The following TMEM132C variants were observed in gnomAD, a reference collection of about 807,000 sequenced individuals.
TMEM132C encodes the protein transmembrane protein 132C.
TMEM132C carries 29 observed loss-of-function variants against 61.4 expected under a neutral mutation model. The ratio of observed to expected loss-of-function variants is 0.47; its 90% CI spans 0.35 to 0.64. The LOEUF is 0.64. Ranked by LOEUF, TMEM132C falls within the 30% of genes least tolerant of loss-of-function variation. TMEM132C has a pLI of 0.00. For missense variants in TMEM132C, 1,408 were observed against 1,476.9 expected (o/e 0.95, Z 0.76); for synonymous variants, 656 against 633.1 (o/e 1.04, Z -0.54).
At chr12:128,473,662 A>G (rs1421773953) in intron 2 of TMEM132C, among the ~76,000 whole-genome samples, 2 of 115,130 alleles carry the variant, frequency 1.7e-5, no homozygotes, top group African/African-American at 6.7e-5. Flanking sequence ...TTTAATTCTC[A>G]CTCCAGCTTC....
chr12:128,302,413 C>G (rs776814256), intron 1 of TMEM132C, among the ~76,000 whole-genome samples: 28 of 152,320 alleles, frequency 1.8e-4, no homozygotes, highest in Non-Finnish European at 2.1e-4. Flanking sequence ...GCCCTGATTC[C>G]TACTCCTCAT....
chr12:128,376,164 G>C (rs142406542), intron 1 of TMEM132C, among the ~76,000 whole-genome samples: 2 of 152,318 alleles, frequency 1.3e-5, no homozygotes, highest in East Asian at 3.9e-4. Context: ...GAAATCATCA[G>C]TTAAGGATTT....
chr12:128,269,642 T>C (rs1204290863), intron 1 of TMEM132C, among the ~76,000 whole-genome samples: 2 of 152,140 alleles, frequency 1.3e-5, no homozygotes, highest in South Asian at 2.1e-4. Context: ...ACCACGTGAT[T>C]TGGGGGTGCA....
At chr12:128,390,153 G>T (rs1262111963) in intron 1 of TMEM132C, among the ~76,000 whole-genome samples, 1 of 152,142 alleles carries the variant, frequency 6.6e-6, no homozygotes, top group Non-Finnish European at 1.5e-5. Flanking sequence ...TTACAGGTGT[G>T]AGCCACCACA....
intron 7 of TMEM132C, among the ~76,000 whole-genome samples, chr12:128,696,896 G>T (rs1193494364): frequency 6.6e-6 from 1 of 152,098 alleles, no homozygotes; most frequent in East Asian, 1.9e-4. Context: ...TGTTCAACAG[G>T]ATCACCATGT....
At chr12:128,407,479 A>G (rs759403948) in intron 1 of TMEM132C, among the ~76,000 whole-genome samples, 2 of 152,170 alleles carry the variant, frequency 1.3e-5, no homozygotes, top group Non-Finnish European at 2.9e-5. Context: ...CCTGAAATGT[A>G]GAGGCTTGAT....
intron 4 of TMEM132C, among the ~76,000 whole-genome samples, chr12:128,641,394 A>G (rs1954157009): frequency 1.3e-5 from 2 of 152,220 alleles, no homozygotes; most frequent in African/African-American, 4.8e-5. Context: ...TTGCTTGGAA[A>G]TAGGGTCTTT....
At chr12:128,631,275 CTAATTTTAAT>C (rs1435556153) in intron 4 of TMEM132C, among the ~76,000 whole-genome samples, 1 of 152,152 alleles carries the variant, frequency 6.6e-6, no homozygotes, top group Non-Finnish European at 1.5e-5. Context: ...TTATTTTTAT[CTAATTTTAAT>C]TAATTTTAAC....
intron 3 of TMEM132C, among the ~76,000 whole-genome samples, chr12:128,555,942 T>C (rs1438932206): frequency 1.2e-4 from 19 of 152,136 alleles, no homozygotes; most frequent in Admixed American, 1.1e-3. Flanking sequence ...GGCCTCAAAC[T>C]CTTGGGCTCA....
intron 5 of TMEM132C, among the ~76,000 whole-genome samples, chr12:128,685,772 T>G (rs1176917194): frequency 6.6e-6 from 1 of 152,206 alleles, no homozygotes; most frequent in Non-Finnish European, 1.5e-5. Context: ...GTTTAAATCC[T>G]GACTGATGAC....
intron 3 of TMEM132C, among the ~76,000 whole-genome samples, chr12:128,567,769 A>G (rs1032454170): frequency 2.0e-5 from 3 of 152,202 alleles, no homozygotes. Context: ...CCAGCAGGGC[A>G]GAAAGCAGCT....
At chr12:128,358,024 C>G (rs1873574700) in intron 1 of TMEM132C, among the ~76,000 whole-genome samples, 1 of 152,122 alleles carries the variant, frequency 6.6e-6, no homozygotes, top group Non-Finnish European at 1.5e-5. Flanking sequence ...TGTTCCTTCT[C>G]AGAGTCCCAT....
intron 1 of TMEM132C, among the ~76,000 whole-genome samples, chr12:128,383,410 G>A (rs553894743): frequency 3.9e-5 from 6 of 152,340 alleles, no homozygotes; most frequent in African/African-American, 1.2e-4. Context: ...CGGGTGCTAA[G>A]GAGCTCGCAG....
chr12:128,634,897 C>T (rs1279290051), intron 4 of TMEM132C, among the ~76,000 whole-genome samples: 1 of 152,188 alleles, frequency 6.6e-6, no homozygotes, highest in Non-Finnish European at 1.5e-5. Context: ...TCCTTTCCTT[C>T]TGAAGGGGCC....
chr12:128,703,837 A>G (rs1404318848), intron 8 of TMEM132C, among the ~76,000 whole-genome samples: 1 of 152,212 alleles, frequency 6.6e-6, no homozygotes, highest in Non-Finnish European at 1.5e-5. Context: ...TGCGAACAAC[A>G]CCTGACCCAC....
intron 2 of TMEM132C, among the ~76,000 whole-genome samples, chr12:128,520,516 A>G (rs1209028745): frequency 1.3e-5 from 2 of 152,206 alleles, no homozygotes; most frequent in East Asian, 1.9e-4. Context: ...CCTTAGACCC[A>G]GAGATGGAAG....
intron 1 of TMEM132C, among the ~76,000 whole-genome samples, chr12:128,401,232 T>C (rs886994380): frequency 3.9e-5 from 6 of 152,210 alleles, no homozygotes; most frequent in African/African-American, 1.4e-4. Context: ...ATTTACTATA[T>C]GGTCCTTTAA....
At chr12:128,282,466 G>C (rs1340813473) in intron 1 of TMEM132C, among the ~76,000 whole-genome samples, 1 of 152,192 alleles carries the variant, frequency 6.6e-6, no homozygotes, top group Non-Finnish European at 1.5e-5. Flanking sequence ...AAAAGGAAAA[G>C]TGTCCCTTAT....
chr12:128,378,543 A>C (rs1874293899), intron 1 of TMEM132C, among the ~76,000 whole-genome samples: 1 of 152,240 alleles, frequency 6.6e-6, no homozygotes, highest in South Asian at 2.1e-4. Flanking sequence ...AGGAGAGCAC[A>C]ATTTCAGGAA....
Sources: allele counts gnomAD v4.1 joint callset (sites outside exome capture counted in the v4.1 genomes callset), GRCh38; gene constraint gnomAD v4.1.1; transcripts MANE v1.5; gene names NCBI Gene and HGNC (gene_info 2026-07-23, HGNC 2026-07-21).